The following SH3PXD2A variants were observed in gnomAD, a reference collection of about 807,000 sequenced individuals.
SH3PXD2A encodes SH3 and PX domain-containing protein 2A.
A neutral mutation model predicts 115.2 loss-of-function variants in SH3PXD2A; 32 were observed. The ratio of observed to expected loss-of-function variants is 0.28; its 90% CI spans 0.21 to 0.37. The LOEUF is 0.37. Among genes scored for constraint, SH3PXD2A ranks in the 10% least tolerant of loss-of-function variants. The pLI is 1.00. For missense variants in SH3PXD2A, 1,328 were observed against 1,498.7 expected (o/e 0.89, Z 1.88); for synonymous variants, 610 against 629.1 (o/e 0.97, Z 0.45).
rs968055667 is a variant in SH3PXD2A at position 103,746,162 on chromosome 10, G to A, written c.230-10354C>T. 2.6e-5 allele frequency: 4 copies of A among 152,230 alleles called. No individual in the cohort carries two copies. The highest frequency in any genetic ancestry group is 5.9e-5 in the Non-Finnish European group (4 of 68,038). 9.4% of individuals were successfully genotyped at this position (152,230 alleles called of 1,614,324 possible). On this transcript the variant is annotated intron_variant, in intron 3 of 14. Transcript: ENST00000369774. The surrounding 1 kb of genome is among the most constrained non-coding windows in gnomAD (Gnocchi z 4.4). Reference sequence around the variant, plus strand: ...TATCTTTCTCTCCCTCACCCCAGGTGGGTCAACTGGGATTTTATGGGTGTC... The same window carrying A: ...TATCTTTCTCTCCCTCACCCCAGGTAGGTCAACTGGGATTTTATGGGTGTC...
At chr10:103,618,453 C>T (rs772315798) in intron 10 of SH3PXD2A, among the ~76,000 whole-genome samples, 4 of 152,216 alleles carry the variant, frequency 2.6e-5, no homozygotes, top group African/African-American at 4.8e-5. Flanking sequence ...TGAGACACTC[C>T]GTAGAGGGCT....
chr10:103,655,750 G>A (rs1355483252), intron 8 of SH3PXD2A, among the ~76,000 whole-genome samples: 3 of 145,486 alleles, frequency 2.1e-5, no homozygotes, highest in Non-Finnish European at 4.5e-5. Flanking sequence ...TCCAGCCTGG[G>A]TGACAGAGCA....
At chr10:103,762,622 G>A (rs1327242418) in intron 3 of SH3PXD2A, among the ~76,000 whole-genome samples, 1 of 152,176 alleles carries the variant, frequency 6.6e-6, no homozygotes, top group African/African-American at 2.4e-5. Context: ...CTGGAGAACT[G>A]CCAGTCCCAC....
At chr10:103,712,406 G>A (rs1232998198) in intron 5 of SH3PXD2A, among the ~76,000 whole-genome samples, 1 of 152,178 alleles carries the variant, frequency 6.6e-6, no homozygotes, top group Non-Finnish European at 1.5e-5. Context: ...CTGTGGTTTG[G>A]GAGCGGGAAA....
intron 8 of SH3PXD2A, 84 bp downstream of exon 8, chr10:103,660,899 G>T (rs1037380326): frequency 2.2e-6 from 3 of 1,392,002 alleles, no homozygotes; most frequent in African/African-American, 2.8e-5. Context: ...CTGCAGCGGT[G>T]GGGGAGGAGG....
At chr10:103,834,431 T>G (rs987419997) in intron 1 of SH3PXD2A, among the ~76,000 whole-genome samples, 9 of 152,180 alleles carry the variant, frequency 5.9e-5, no homozygotes, top group Non-Finnish European at 1.3e-4. Context: ...AGGGTGGTGG[T>G]CACAGGTGAT....
intron 2 of SH3PXD2A, among the ~76,000 whole-genome samples, chr10:103,795,979 G>A (rs554545621): frequency 6.6e-6 from 1 of 151,364 alleles, no homozygotes; most frequent in East Asian, 1.9e-4. Flanking sequence ...ATTTTACCCT[G>A]ATAAGAATTC....
In SH3PXD2A at chr10:103,681,384, G is replaced by A. The variant is rs1046012283; in HGVS notation, c.427+11644C>T. Among the ~76,000 whole-genome samples the A allele has an allele frequency of 2.6e-5, 4 of 152,218 alleles. No homozygotes were observed. In the East Asian group the frequency reaches 7.7e-4, roughly 29 times the overall value. ...CAATCCCCCTGCCATCTTGCTGCCT[G>A]TCTACCCTGAACATGGCCATCAACC... On this transcript the variant is annotated intron_variant, in intron 6 of 14. Transcript: ENST00000369774.
intron 1 of SH3PXD2A, among the ~76,000 whole-genome samples, chr10:103,803,249 G>C (rs1302199158): frequency 6.6e-6 from 1 of 152,114 alleles, no homozygotes; most frequent in African/African-American, 2.4e-5. Context: ...ATGACATGTG[G>C]CCCTGATACA....
At chr10:103,631,247 A>G (rs1222850232) in intron 8 of SH3PXD2A, among the ~76,000 whole-genome samples, 2 of 152,302 alleles carry the variant, frequency 1.3e-5, no homozygotes, top group East Asian at 1.9e-4. Flanking sequence ...CCTCGGTGAC[A>G]GGGCAAGACT....
At chr10:103,708,739 C>G (rs942200153) in intron 5 of SH3PXD2A, among the ~76,000 whole-genome samples, 11 of 152,172 alleles carry the variant, frequency 7.2e-5, no homozygotes, top group African/African-American at 2.4e-4. Context: ...ACCAAGATGC[C>G]TGAATTTCCT....
intron 13 of SH3PXD2A, among the ~76,000 whole-genome samples, chr10:103,606,363 C>G (rs1459150191): frequency 7.0e-6 from 1 of 142,456 alleles, no homozygotes; most frequent in Non-Finnish European, 1.5e-5. Context: ...GCACACACCA[C>G]CACACCTGGT....
chr10:103,688,149 C>T (rs1281419776), intron 6 of SH3PXD2A, among the ~76,000 whole-genome samples: 3 of 152,234 alleles, frequency 2.0e-5, no homozygotes, highest in African/African-American at 7.2e-5. Flanking sequence ...AGTCCTATCC[C>T]TCTACCTTTG....
intron 5 of SH3PXD2A, among the ~76,000 whole-genome samples, chr10:103,711,603 C>T (rs981302387): frequency 1.1e-4 from 16 of 152,164 alleles, no homozygotes; most frequent in African/African-American, 1.4e-4. Flanking sequence ...GCAAGGGCAG[C>T]GTAGCAGCTG....
At chr10:103,815,271 C>T (rs1007026134) in intron 1 of SH3PXD2A, among the ~76,000 whole-genome samples, 3 of 151,898 alleles carry the variant, frequency 2.0e-5, no homozygotes, top group African/African-American at 7.3e-5. Context: ...AAAGGAGAAT[C>T]CCCAGAATGG....
intron 3 of SH3PXD2A, among the ~76,000 whole-genome samples, chr10:103,750,266 T>G (rs763212212): frequency 1.5e-4 from 23 of 152,178 alleles, no homozygotes; most frequent in Non-Finnish European, 2.9e-4. Context: ...TTGCCCAGGC[T>G]GGTCTCGAAC....
At chr10:103,642,159 T>G (rs1161075419) in intron 8 of SH3PXD2A, among the ~76,000 whole-genome samples, 1 of 152,108 alleles carries the variant, frequency 6.6e-6, no homozygotes, top group Non-Finnish European at 1.5e-5. Flanking sequence ...TTTTTTTTTT[T>G]TTTTAACTTC....
chr10:103,806,430 G>A (rs549086896), intron 1 of SH3PXD2A, among the ~76,000 whole-genome samples: 1 of 151,974 alleles, frequency 6.6e-6, no homozygotes, highest in East Asian at 1.9e-4. Flanking sequence ...AGCTTCTTAA[G>A]TCTCCCTGAG....
chr10:103,735,830 G>T (rs761046020), intron 3 of SH3PXD2A, 22 bp from the exon 4 acceptor site: 1 of 1,603,414 alleles, frequency 6.2e-7, no homozygotes, highest in South Asian at 1.1e-5. Context: ...ATGCTCATGA[G>T]TGGGGGATTC....
Sources: allele counts gnomAD v4.1 joint callset (sites outside exome capture counted in the v4.1 genomes callset), GRCh38; gene constraint gnomAD v4.1.1; non-coding constraint Gnocchi (gnomAD v3.1); transcripts MANE v1.5; gene names NCBI Gene and HGNC (gene_info 2026-07-23, HGNC 2026-07-21).